Variants in UNC5C observed in about 807,000 individuals in gnomAD.
UNC5C encodes unc-5 netrin receptor C.
In UNC5C, 47 loss-of-function variants were observed where a neutral mutation model predicts 99.8. That is an observed-to-expected ratio of 0.47 (90% CI 0.37 to 0.60). The LOEUF (loss-of-function observed/expected upper bound fraction) is 0.60, where lower values mean the gene tolerates loss of function less well. UNC5C is among the 20% of genes least tolerant of loss of function. The pLI, the probability that UNC5C is intolerant of heterozygous loss-of-function variation, is 0.00. For synonymous variants in UNC5C, 487 were observed against 452.2 expected, an observed-to-expected ratio of 1.08 and a Z score of -0.98; for missense variants, 1,062 against 1,165.9, an observed-to-expected ratio of 0.91 and a Z score of 1.30.
intron 1 of UNC5C, among the ~76,000 whole-genome samples, chr4:95,523,001 T>C (rs1327257478): frequency 6.6e-6 from 1 of 152,128 alleles, no homozygotes; most frequent in Non-Finnish European, 1.5e-5. Flanking sequence ...TACCTTGTCT[T>C]ATCTTTGCCT....
intron 1 of UNC5C, among the ~76,000 whole-genome samples, chr4:95,411,417 A>G (rs1252964954): frequency 2.0e-5 from 3 of 152,162 alleles, no homozygotes; most frequent in Non-Finnish European, 4.4e-5. Context: ...CCAACCTTGC[A>G]ATTTACTTTA....
chr4:95,319,345 G>A (rs1408594313), intron 2 of UNC5C, among the ~76,000 whole-genome samples: 1 of 152,064 alleles, frequency 6.6e-6, no homozygotes, highest in Non-Finnish European at 1.5e-5. Context: ...AGTTCCTTGC[G>A]GCTCTTGCCT....
intron 1 of UNC5C, among the ~76,000 whole-genome samples, chr4:95,439,491 T>C (rs3846457): frequency 0.17 from 26,022 of 151,926 alleles, 2,665 homozygotes; most frequent in Admixed American, 0.3. Flanking sequence ...GAGTCACAGA[T>C]ATGCTTTTGA....
intron 1 of UNC5C, among the ~76,000 whole-genome samples, chr4:95,465,754 T>TA (rs962736883): frequency 6.6e-6 from 1 of 151,984 alleles, no homozygotes; most frequent in African/African-American, 2.4e-5. Context: ...GCAGTCAGGT[T>TA]AAAAAAAAGT....
At chr4:95,202,089 T>A (rs1737697019) in intron 12 of UNC5C, among the ~76,000 whole-genome samples, 1 of 152,202 alleles carries the variant, frequency 6.6e-6, no homozygotes, top group Non-Finnish European at 1.5e-5. Flanking sequence ...AGCTCCCATA[T>A]AGCACTTTGC....
intron 14 of UNC5C, among the ~76,000 whole-genome samples, chr4:95,178,105 G>A (rs1365690479): frequency 6.6e-6 from 1 of 152,172 alleles, no homozygotes; most frequent in Non-Finnish European, 1.5e-5. Context: ...GAGTAGGGCT[G>A]TTCACCTGTG....
intron 3 of UNC5C, among the ~76,000 whole-genome samples, chr4:95,292,346 C>T (rs749595437): frequency 1.0e-4 from 15 of 150,704 alleles, no homozygotes; most frequent in East Asian, 7.8e-4. Flanking sequence ...CTCAGCTCAC[C>T]GCAAGCTCTG....
intron 1 of UNC5C, among the ~76,000 whole-genome samples, chr4:95,366,673 CA>C (rs1220999685): frequency 1.3e-5 from 2 of 152,198 alleles, no homozygotes; most frequent in African/African-American, 4.8e-5. Context: ...AAATGATTTT[CA>C]AAGGCTATAG....
chr4:95,450,047 A>G (rs1431254572), intron 1 of UNC5C, among the ~76,000 whole-genome samples: 8 of 152,228 alleles, frequency 5.3e-5, no homozygotes. Flanking sequence ...AATTTTAGTC[A>G]GCAACTCACC....
At chr4:95,371,501 T>C (rs1475640409) in intron 1 of UNC5C, among the ~76,000 whole-genome samples, 1 of 151,840 alleles carries the variant, frequency 6.6e-6, no homozygotes, top group Non-Finnish European at 1.5e-5. Flanking sequence ...CAGCATAATC[T>C]GATGGTTTAG....
chr4:95,429,295 AAAC>A (rs760901451), intron 1 of UNC5C, among the ~76,000 whole-genome samples: 126 of 88,738 alleles, frequency 1.4e-3, no homozygotes, highest in Non-Finnish European at 2.5e-3. Flanking sequence ...AAAAAAAAAA[AAAC>A]AAACAAAAAA....
intron 1 of UNC5C, among the ~76,000 whole-genome samples, chr4:95,502,700 A>G (rs1721807711): frequency 6.6e-6 from 1 of 152,164 alleles, no homozygotes; most frequent in African/African-American, 2.4e-5. Context: ...GTCAGTTACC[A>G]TTTTCATTAT....
intron 1 of UNC5C, among the ~76,000 whole-genome samples, chr4:95,445,165 C>T (rs967798550): frequency 6.6e-6 from 1 of 152,088 alleles, no homozygotes; most frequent in African/African-American, 2.4e-5. Flanking sequence ...ATTCATATAA[C>T]AAATATATAT....
intron 1 of UNC5C, among the ~76,000 whole-genome samples, chr4:95,485,087 C>T (rs1282805541): frequency 6.6e-6 from 1 of 151,690 alleles, no homozygotes; most frequent in African/African-American, 2.4e-5. Context: ...CATTTATATT[C>T]TGCCTTTCTT....
At chr4:95,189,074 A>G (rs1389379404) in intron 12 of UNC5C, among the ~76,000 whole-genome samples, 2 of 152,244 alleles carry the variant, frequency 1.3e-5, no homozygotes, top group African/African-American at 4.8e-5. Flanking sequence ...GACCCTGGAA[A>G]GAAATGCTAT....
intron 7 of UNC5C, among the ~76,000 whole-genome samples, chr4:95,240,785 A>T (rs1321886262): frequency 6.6e-6 from 1 of 152,184 alleles, no homozygotes; most frequent in African/African-American, 2.4e-5. Flanking sequence ...TCTAGAAGCT[A>T]AGGGGTTGCT....
In UNC5C at chr4:95,216,010, T is replaced by C. The variant is rs890036346; in HGVS notation, c.1733+114A>G. 2.0e-5 allele frequency: 15 copies of C among 735,368 alleles called. No individual in the cohort carries two copies. In the East Asian group the frequency reaches 3.5e-4, roughly 17 times the overall value. The allele number at this position is 735,368 out of a possible 1,614,324, so 45.6% of individuals were successfully genotyped here. A position where few individuals can be genotyped will look rare whatever the true frequency, so the allele number is the denominator to read the frequency against. Reference sequence around the variant, plus strand: ...TGTAGGTCAAGGGAAAAAGAATGTATGCCAGAAGCAAGGCACTTGAGACAA... The same window carrying C: ...TGTAGGTCAAGGGAAAAAGAATGTACGCCAGAAGCAAGGCACTTGAGACAA... On this transcript the variant is annotated intron_variant, in intron 10 of 15. Coordinates refer to ENST00000453304, the MANE Select transcript of UNC5C (RefSeq NM_003728.4).
intron 1 of UNC5C, among the ~76,000 whole-genome samples, chr4:95,542,275 G>A (rs932660789): frequency 6.6e-6 from 1 of 151,998 alleles, no homozygotes; most frequent in African/African-American, 2.4e-5. Context: ...CCACTACCAC[G>A]TTGGCAATAA....
intron 1 of UNC5C, among the ~76,000 whole-genome samples, chr4:95,384,159 C>T (rs1012301018): frequency 6.6e-6 from 1 of 151,920 alleles, no homozygotes; most frequent in Non-Finnish European, 1.5e-5. Flanking sequence ...ATATAAGGGC[C>T]CAATGTGAAG....
Sources: allele counts gnomAD v4.1 joint callset (sites outside exome capture counted in the v4.1 genomes callset), GRCh38; gene constraint gnomAD v4.1.1; transcripts MANE v1.5; gene names NCBI Gene and HGNC (gene_info 2026-07-23, HGNC 2026-07-21).